PAK3: variants seen among roughly 807,000 people sequenced by gnomAD.
PAK3 encodes serine/threonine-protein kinase PAK 3.
A neutral mutation model predicts 41.0 loss-of-function variants in PAK3; 4 were observed. The ratio of observed to expected loss-of-function variants is 0.10; its 90% CI spans 0.05 to 0.22. The LOEUF is 0.22. PAK3 is among the 10% of genes least tolerant of loss of function. The pLI is 1.00. For synonymous variants in PAK3, 146 were observed against 139.6 expected, an observed-to-expected ratio of 1.05 and a Z score of -0.32; for missense variants, 205 against 409.9, an observed-to-expected ratio of 0.50 and a Z score of 4.32.
intron 4 of PAK3, among the ~76,000 whole-genome samples, chrX:111,105,782 C>A (rs777269678): frequency 9.0e-6 from 1 of 111,449 alleles, no homozygotes; most frequent in Admixed American, 9.5e-5. Context: ...ACCAAACTTG[C>A]AGGCACATAC....
intron 1 of PAK3, among the ~76,000 whole-genome samples, chrX:110,986,269 G>T (rs1021589520): frequency 4.5e-5 from 5 of 111,842 alleles, no homozygotes; most frequent in African/African-American, 1.6e-4. Context: ...GCATTAGCTT[G>T]AAGCTCTACA....
At chrX:111,042,847 C>A (rs768741043) in intron 1 of PAK3, among the ~76,000 whole-genome samples, 1 of 112,313 alleles carries the variant, frequency 8.9e-6, no homozygotes, top group South Asian at 3.7e-4. Context: ...GGCAAGGCTG[C>A]ATCTGTTTTA....
chrX:111,132,149 C>G (rs2093727681), intron 5 of PAK3, among the ~76,000 whole-genome samples: 1 of 110,645 alleles, frequency 9.0e-6, no homozygotes, highest in Non-Finnish European at 1.9e-5. Flanking sequence ...CAATGGACCA[C>G]CGAAAGCATC....
At chrX:111,186,007 C>G (rs913680190) in intron 11 of PAK3, among the ~76,000 whole-genome samples, 1 of 111,288 alleles carries the variant, frequency 9.0e-6, no homozygotes, top group Non-Finnish European at 1.9e-5. Flanking sequence ...AATCAATAAA[C>G]GTAATCCATC....
intron 1 of PAK3, among the ~76,000 whole-genome samples, chrX:111,086,084 T>TGC (rs1465198586): frequency 1.0e-5 from 1 of 99,527 alleles, no homozygotes; most frequent in Non-Finnish European, 2.0e-5. Flanking sequence ...TGTGTGTGTG[T>TGC]GTGTGTGCAT....
In PAK3 at chrX:110,972,905, T is replaced by A. The variant is rs190939274; in HGVS notation, c.-28+28277T>A. On this transcript the variant is annotated intron_variant, in intron 1 of 14. Coordinates refer to the PAK3 transcript ENST00000425146. ...GAGCTGAAAATCATGGCACAAGAAC[T>A]TCGTGACGCATGCACAAGCTTCAAT... Among the ~76,000 whole-genome samples the A allele has an allele frequency of 7.2e-5, 8 of 111,510 alleles. 1 individual carries two copies. Among genetic ancestry groups the A allele is most frequent in the African/African-American group, 1.6e-4 (5 of 30,661 alleles).
chrX:110,998,972 C>T (rs1379414075), intron 1 of PAK3, among the ~76,000 whole-genome samples: 1 of 111,840 alleles, frequency 8.9e-6, no homozygotes, highest in Non-Finnish European at 1.9e-5. Context: ...AATGAGTTGG[C>T]ATGGCACAAC....
intron 1 of PAK3, among the ~76,000 whole-genome samples, chrX:111,080,558 T>C (rs1412266507): frequency 6.2e-5 from 7 of 112,378 alleles, no homozygotes; most frequent in Non-Finnish European, 1.1e-4. Flanking sequence ...ATCACTTCAT[T>C]GCAATATTTG....
chrX:111,169,351 T>TATCATGTAC (rs1402930925), intron 10 of PAK3: 1 of 160,087 alleles, frequency 6.2e-6, no homozygotes, highest in Admixed American at 7.4e-5. Flanking sequence ...CCGTCATGTA[T>TATCATGTAC]ATCATGTACA....
intron 1 of PAK3, among the ~76,000 whole-genome samples, chrX:111,007,326 A>G (rs1602749846): frequency 9.0e-6 from 1 of 111,547 alleles, no homozygotes; most frequent in East Asian, 2.8e-4. Context: ...ACCTAGCAGA[A>G]TAAGCATAAA....
At chrX:111,201,065 A>C (rs925524055) in intron 16 of PAK3, among the ~76,000 whole-genome samples, 18 of 111,983 alleles carry the variant, frequency 1.6e-4, no homozygotes, top group Middle Eastern at 4.6e-3. Context: ...TGCAACAAAA[A>C]GACCTGTGAG....
At chrX:111,198,501 C>A (rs1056642904) in intron 16 of PAK3, among the ~76,000 whole-genome samples, 11 of 111,969 alleles carry the variant, frequency 9.8e-5, no homozygotes, top group African/African-American at 3.6e-4. Flanking sequence ...TTGATTTTTG[C>A]ATATGATGAA....
chrX:111,028,444 C>G (rs1314753216), intron 1 of PAK3, among the ~76,000 whole-genome samples: 3 of 109,332 alleles, frequency 2.7e-5, no homozygotes, highest in Non-Finnish European at 5.7e-5. Flanking sequence ...TTTGTACAAG[C>G]AAAAATGATT....
At chrX:111,201,126 C>T (rs2149346999) in intron 16 of PAK3, among the ~76,000 whole-genome samples, 1 of 112,368 alleles carries the variant, frequency 8.9e-6, no homozygotes, top group South Asian at 3.6e-4. Context: ...TAACTTTGCT[C>T]ATTACTCTCT....
rs534737048 is a variant in PAK3 at position 111,206,750 on chromosome X, T to C, written c.1408-9671T>C. ...AAGTTTTGGGTTGAGTAAGCCCAAG[T>C]ATGGAATACAGCGTTCATTATAATG... On this transcript the variant is annotated intron_variant, in intron 16 of 17. Transcript: ENST00000372007. 4.5e-5 allele frequency among the ~76,000 whole-genome samples: 5 copies of C among 112,030 alleles called. No homozygotes were observed. The South Asian group carries it at 1.9e-3, about 42-fold the overall frequency.
At chrX:111,200,451 C>T (rs766819123) in intron 16 of PAK3, among the ~76,000 whole-genome samples, 1 of 111,845 alleles carries the variant, frequency 8.9e-6, no homozygotes, top group South Asian at 3.8e-4. Flanking sequence ...TTTCTCTGAT[C>T]TCATGCAACA....
At chrX:110,949,697 C>G (rs1284231171) in intron 1 of PAK3, among the ~76,000 whole-genome samples, 1 of 110,887 alleles carries the variant, frequency 9.0e-6, no homozygotes, top group Non-Finnish European at 1.9e-5. Context: ...AGACAGGGGA[C>G]AGGGAGTAGA....
chrX:111,075,671 C>A (rs1414368336), intron 1 of PAK3, among the ~76,000 whole-genome samples: 1 of 112,688 alleles, frequency 8.9e-6, no homozygotes. Flanking sequence ...ACACTCAGAG[C>A]CCCAACCAGG....
rs1226264908 is a variant in PAK3 at position 111,163,629 on chromosome X, C to T, written c.668C>T (p.Pro223Leu). ...GTACCAAATAAAGAGGTCACACCAC[C>T]CTCTGCTGAAAATGCCAATTCCAGT... ...PAVPNKEVTP[P>L]SAENANSSTL... The change falls in exon 10 of 18, where the codon CCC becomes CTC. Residue 223 changes from proline (P) to leucine (L), a missense_variant. By Grantham distance (98) the Pro-to-Leu change is moderately conservative (BLOSUM62 -3). Coordinates refer to ENST00000372007, the MANE Select transcript of PAK3 (RefSeq NM_002578.5). 1.7e-6 allele frequency: 2 copies of T among 1,192,803 alleles called. No individual in the cohort carries two copies. The highest frequency in any genetic ancestry group is 2.3e-6 in the Non-Finnish European group (2 of 879,977).
Sources: gnomAD v4.1 joint callset for allele counts (sites outside exome capture counted in the v4.1 genomes callset) on GRCh38, gnomAD v4.1.1 for gene constraint, MANE v1.5 for transcripts, NCBI Gene and HGNC (gene_info 2026-07-23, HGNC 2026-07-21) for gene names.